HNMT: variants seen among roughly 807,000 people sequenced by gnomAD.
HNMT encodes histamine N-methyltransferase.
Under a neutral mutation model 32.1 loss-of-function variants are expected in HNMT, and 30 were observed. The observed-to-expected ratio is 0.93, with a 90% CI of 0.70 to 1.27. The LOEUF (loss-of-function observed/expected upper bound fraction) is 1.27. HNMT is among the 50% of genes most tolerant of loss of function. The probability of loss-of-function intolerance (pLI) is 0.00; values close to 1 mark genes in which losing one functional copy is unlikely to be tolerated. For missense variants in HNMT, 327 were observed against 346.0 expected (o/e 0.95, Z 0.43); for synonymous variants, 125 against 119.0 (o/e 1.05, Z -0.33).
At chr2:137,970,545 TC>T (rs1680089127) in intron 2 of HNMT, among the ~76,000 whole-genome samples, 1 of 152,142 alleles carries the variant, frequency 6.6e-6, no homozygotes, top group Non-Finnish European at 1.5e-5. Flanking sequence ...ATAATAAGCT[TC>T]TTAAGTTTGT....
chr2:137,970,924 A>C (rs1481997402), intron 2 of HNMT, among the ~76,000 whole-genome samples: 4 of 42,236 alleles, frequency 9.5e-5, no homozygotes, highest in Admixed American at 2.4e-4. Context: ...CGTCTCAAAA[A>C]AAAAAAAAAA....
intron 5 of HNMT, among the ~76,000 whole-genome samples, chr2:138,005,561 C>T (rs1189296042): frequency 6.6e-6 from 1 of 151,948 alleles, no homozygotes; most frequent in Non-Finnish European, 1.5e-5. Flanking sequence ...TTACCTACTT[C>T]GTGTCATTTG....
intron 2 of HNMT, among the ~76,000 whole-genome samples, chr2:137,988,328 G>A (rs1680712869): frequency 6.6e-6 from 1 of 152,150 alleles, no homozygotes; most frequent in African/African-American, 2.4e-5. Context: ...TATTCCAAAT[G>A]TGAATAATCT....
intron 1 of HNMT, 76 bp from the exon 2 acceptor site, chr2:137,970,087 CTT>C: frequency 1.4e-6 from 1 of 739,818 alleles, no homozygotes; most frequent in Non-Finnish European, 2.3e-6. Flanking sequence ...AGTCTGTTCT[CTT>C]CAACTAGACT....
intron 4 of HNMT, among the ~76,000 whole-genome samples, chr2:138,004,486 C>A (rs3113224): frequency 0.31 from 46,811 of 151,784 alleles, 8,521 homozygotes; most frequent in African/African-American, 0.5. Flanking sequence ...ACGTCAATGC[C>A]TAAGTCCAAG....
At chr2:137,986,642 A>T (rs929532842) in intron 2 of HNMT, among the ~76,000 whole-genome samples, 26 of 152,248 alleles carry the variant, frequency 1.7e-4, no homozygotes, top group Admixed American at 1.7e-3. Context: ...AGTAGAGATG[A>T]CACATAAAAG....
chr2:137,999,361 A>G (rs576316730), intron 2 of HNMT, among the ~76,000 whole-genome samples: 36 of 152,262 alleles, frequency 2.4e-4, no homozygotes, highest in Admixed American at 1.7e-3. Context: ...AAATTGTCAC[A>G]TAAGTGACTT....
chr2:138,008,352 G>A (rs1681391124), intron 5 of HNMT, among the ~76,000 whole-genome samples: 1 of 152,132 alleles, frequency 6.6e-6, no homozygotes, highest in Non-Finnish European at 1.5e-5. Context: ...GTATTCCATA[G>A]TGTATATGTA....
At chr2:137,986,860 C>G (rs1217332387) in intron 2 of HNMT, among the ~76,000 whole-genome samples, 1 of 151,900 alleles carries the variant, frequency 6.6e-6, no homozygotes, top group Non-Finnish European at 1.5e-5. Context: ...GCTGTGTATC[C>G]CATTGATTTA....
At chr2:137,984,407 C>A (rs1331980475) in intron 2 of HNMT, among the ~76,000 whole-genome samples, 1 of 152,146 alleles carries the variant, frequency 6.6e-6, no homozygotes, top group Non-Finnish European at 1.5e-5. Context: ...TTTTGCAAGT[C>A]CAACAAGCAT....
At chr2:137,989,692 C>T (rs1301184312) in intron 2 of HNMT, among the ~76,000 whole-genome samples, 1 of 152,180 alleles carries the variant, frequency 6.6e-6, no homozygotes. Context: ...CCAAAGTGGA[C>T]CCAAAGTTAC....
intron 5 of HNMT, among the ~76,000 whole-genome samples, chr2:138,006,026 T>A (rs1681321787): frequency 6.6e-6 from 1 of 152,058 alleles, no homozygotes; most frequent in Admixed American, 6.6e-5. Context: ...AAGAATTGCT[T>A]TAAAGATGGC....
At chr2:138,000,269 C>T (rs1327237065) in intron 2 of HNMT, among the ~76,000 whole-genome samples, 1 of 152,104 alleles carries the variant, frequency 6.6e-6, no homozygotes, top group Non-Finnish European at 1.5e-5. Context: ...TGATCTTCCC[C>T]CATGAAGCAT....
chr2:137,970,503 T>G (rs936952087), intron 2 of HNMT, among the ~76,000 whole-genome samples: 5 of 152,198 alleles, frequency 3.3e-5, no homozygotes, highest in Admixed American at 6.5e-5. Context: ...TTATCCAAAA[T>G]GATTAAAATA....
rs76312128 is a variant in HNMT at position 138,002,674 on chromosome 2, T to C, written c.429+480T>C. Reference sequence around the variant, plus strand: ...GTTGCCCAGGCTGGTCTTGAAATCCTGGGCTCAAGTGATCTTCCCTCTTCA... The same window carrying C: ...GTTGCCCAGGCTGGTCTTGAAATCCCGGGCTCAAGTGATCTTCCCTCTTCA... On this transcript the variant is annotated intron_variant, in intron 4 of 5. Transcript: ENST00000280097. 4.4e-3 allele frequency: 1,683 copies of C among 384,552 alleles called. 32 individuals are homozygous for C. The highest frequency in any genetic ancestry group is 0.035 in the African/African-American group (1,606 of 45,850). The allele number at this position is 384,552 out of a possible 1,614,324, so 23.8% of individuals were successfully genotyped here. A position where few individuals can be genotyped will look rare whatever the true frequency, so the allele number is the denominator to read the frequency against.
At chr2:137,971,450 T>A (rs1392789552) in intron 2 of HNMT, among the ~76,000 whole-genome samples, 2 of 152,210 alleles carry the variant, frequency 1.3e-5, no homozygotes, top group Non-Finnish European at 2.9e-5. Context: ...AGTGCTGGGA[T>A]TACAGGCATG....
chr2:137,964,702 T>C (rs1679900315), intron 1 of HNMT, 74 bp downstream of exon 1: 2 of 1,482,154 alleles, frequency 1.3e-6, no homozygotes, highest in Non-Finnish European at 1.9e-6. Context: ...TGGGTCTCGC[T>C]CAGCCTCGCA....
At chr2:137,993,517 A>G (rs1448013054) in intron 2 of HNMT, among the ~76,000 whole-genome samples, 1 of 152,188 alleles carries the variant, frequency 6.6e-6, no homozygotes, top group Non-Finnish European at 1.5e-5. Context: ...TCCAAGAAAT[A>G]TGAGACTTCA....
chr2:137,986,642 A>C (rs929532842), intron 2 of HNMT, among the ~76,000 whole-genome samples: 1 of 152,248 alleles, frequency 6.6e-6, no homozygotes, highest in African/African-American at 2.4e-5. Flanking sequence ...AGTAGAGATG[A>C]CACATAAAAG....
Sources: allele counts gnomAD v4.1 joint callset (sites outside exome capture counted in the v4.1 genomes callset), GRCh38; gene constraint gnomAD v4.1.1; transcripts MANE v1.5; gene names NCBI Gene and HGNC (gene_info 2026-07-23, HGNC 2026-07-21).